ABCC1: variants seen among roughly 807,000 people sequenced by gnomAD.
ABCC1 encodes the protein multidrug resistance-associated protein 1.
ABCC1 carries 83 observed loss-of-function variants against 172.9 expected under a neutral mutation model. The ratio of observed to expected loss-of-function variants is 0.48; its 90% CI spans 0.40 to 0.58. The LOEUF is 0.58. Ranked by LOEUF, ABCC1 falls within the 20% of genes least tolerant of loss-of-function variation. The pLI, the probability that ABCC1 is intolerant of heterozygous loss-of-function variation, is 0.00. For missense variants in ABCC1, 1,817 were observed against 2,002.7 expected (o/e 0.91, Z 1.77); for synonymous variants, 937 against 825.2 (o/e 1.14, Z -2.32).
At chr16:15,985,246 A>C (rs2046717050) in intron 1 of ABCC1, among the ~76,000 whole-genome samples, 1 of 152,228 alleles carries the variant, frequency 6.6e-6, no homozygotes, top group Non-Finnish European at 1.5e-5. Flanking sequence ...TCAGAAAGGC[A>C]TTAGAAATGC....
chr16:16,025,683 C>A (rs907455823), intron 5 of ABCC1, among the ~76,000 whole-genome samples: 2 of 152,186 alleles, frequency 1.3e-5, no homozygotes, highest in African/African-American at 4.8e-5. Context: ...GAATCAGTGC[C>A]TGGGGCTGCC....
intron 1 of ABCC1, among the ~76,000 whole-genome samples, chr16:16,001,415 T>G (rs2047303616): frequency 6.6e-6 from 1 of 152,044 alleles, no homozygotes; most frequent in South Asian, 2.1e-4. Flanking sequence ...GGTTTCACTG[T>G]GGTCTCGATC....
intron 11 of ABCC1, among the ~76,000 whole-genome samples, chr16:16,053,774 C>CAAAAAAAAAAAAAAAAAAAAAAAAA (rs10526186): frequency 5.5e-5 from 2 of 36,212 alleles, no homozygotes; most frequent in Non-Finnish European, 1.4e-4. Context: ...GACCCTGTCT[C>CAAAAAAAAAAAAAAAAAAAAAAAAA]AAAAAAAAAA....
chr16:16,009,814 C>G lies in ABCC1; in HGVS notation c.264C>G (p.Asp88Glu). 6.2e-7 allele frequency: 1 copy of G among 1,610,610 alleles called. No homozygotes were observed. Among genetic ancestry groups the G allele is most frequent in the East Asian group, 2.2e-5 (1 of 44,572 alleles). Residue 88 changes from aspartate (D) to glutamate (E), a missense_variant, in exon 3 of 31, where the codon GAC (aspartate) becomes GAG (glutamate). Asp to Glu is a conservative substitution (Grantham distance 45). This residue lies in a region of ABCC1 where 398 missense variants were observed against 384.2 expected (regional missense o/e 1.04). Coordinates refer to ENST00000399410, the MANE Select transcript of ABCC1 (RefSeq NM_004996.4). ...TGCTGTGGATCGTCTGCTGGGCAGA[C>G]CTCTTCTACTCTTTCTGGGAAAGAA... is the stretch of plus-strand genomic sequence containing the variant. ...GFLLWIVCWA[D>E]LFYSFWERSR...
chr16:16,132,510 G>GGTTTTTTTTTTT (rs1277380301), intron 27 of ABCC1, among the ~76,000 whole-genome samples: 3 of 37,300 alleles, frequency 8.0e-5, no homozygotes, highest in Admixed American at 3.9e-4. Flanking sequence ...TTGGTTGGTT[G>GGTTTTTTTTTTT]TTTTTTTTTT....
chr16:16,007,502 G>T (rs1402592092), intron 1 of ABCC1, among the ~76,000 whole-genome samples: 1 of 152,116 alleles, frequency 6.6e-6, no homozygotes, highest in Non-Finnish European at 1.5e-5. Flanking sequence ...GGGATTACAG[G>T]CATGAGCCAC....
At chr16:15,976,253 G>A (rs1055612281) in intron 1 of ABCC1, among the ~76,000 whole-genome samples, 10 of 152,222 alleles carry the variant, frequency 6.6e-5, no homozygotes, top group African/African-American at 2.4e-4. Context: ...GGCAGCAAGA[G>A]CAAAACTCTG....
At position 16,065,295 on chromosome 16, in the gene ABCC1, C is replaced by T. The variant is rs114702582; in HGVS notation, c.1678-2861C>T. On this transcript the variant is annotated intron_variant, in intron 12 of 30. Coordinates refer to ENST00000399410, the MANE Select transcript of ABCC1 (RefSeq NM_004996.4). Reference sequence around the variant, plus strand: ...TACTTGTTTAGAGATGGGGGCCTCACTCTGTTACCCAGGCTGGTGCGGGGG... The same window carrying T: ...TACTTGTTTAGAGATGGGGGCCTCATTCTGTTACCCAGGCTGGTGCGGGGG... 5.0e-3 allele frequency among the ~76,000 whole-genome samples: 754 copies of T among 152,260 alleles called. 3 individuals are homozygous for T. Among genetic ancestry groups the T allele is most frequent in the African/African-American group, 0.017 (709 of 41,550 alleles).
intron 14 of ABCC1, among the ~76,000 whole-genome samples, chr16:16,074,805 C>G (rs1012643228): frequency 1.3e-5 from 2 of 152,200 alleles, no homozygotes; most frequent in African/African-American, 4.8e-5. Flanking sequence ...CTTCCTCTCT[C>G]TCTAGGTTTT....
At chr16:16,032,399 C>T (rs1365895380) in intron 5 of ABCC1, among the ~76,000 whole-genome samples, 4 of 152,202 alleles carry the variant, frequency 2.6e-5, no homozygotes. Context: ...AGTAGAGAAT[C>T]TTGGCAGGTA....
chr16:16,014,843 G>A (rs563406562), intron 4 of ABCC1, among the ~76,000 whole-genome samples: 217 of 152,306 alleles, frequency 1.4e-3, no homozygotes, highest in African/African-American at 5.2e-3. Flanking sequence ...CCCAGGGCCT[G>A]ATTTGTCTGT....
intron 20 of ABCC1, among the ~76,000 whole-genome samples, chr16:16,105,821 C>T (rs545425365): frequency 4.0e-5 from 6 of 148,542 alleles, no homozygotes; most frequent in African/African-American, 1.5e-4. Flanking sequence ...GCGACGCAAT[C>T]TGTGATCATC....
intron 21 of ABCC1, among the ~76,000 whole-genome samples, chr16:16,107,615 A>T (rs2052188583): frequency 6.6e-6 from 1 of 152,088 alleles, no homozygotes; most frequent in African/African-American, 2.4e-5. Flanking sequence ...TTTGGTCCTA[A>T]TGATTACGTC....
At chr16:15,982,699 ATGAGGC>A (rs1335292861) in intron 1 of ABCC1, among the ~76,000 whole-genome samples, 1 of 146,650 alleles carries the variant, frequency 6.8e-6, no homozygotes, top group African/African-American at 2.5e-5. Flanking sequence ...CCAGCTACTC[ATGAGGC>A]TGAGATGGGA....
At chr16:16,106,954 T>A in intron 21 of ABCC1, 81 bp downstream of exon 21, 1 of 1,561,284 alleles carries the variant, frequency 6.4e-7, no homozygotes, top group South Asian at 1.2e-5. Context: ...GCAAAGTGCC[T>A]TGTCTATGTT....
intron 6 of ABCC1, among the ~76,000 whole-genome samples, chr16:16,034,275 G>A (rs917940534): frequency 6.6e-6 from 1 of 151,046 alleles, no homozygotes; most frequent in South Asian, 2.1e-4. Flanking sequence ...TGATTCTCCC[G>A]CCTCAGCCTC....
At chr16:15,952,925 G>A (rs536828315) in intron 1 of ABCC1, among the ~76,000 whole-genome samples, 191 of 150,664 alleles carry the variant, frequency 1.3e-3, no homozygotes, top group African/African-American at 3.6e-3. Flanking sequence ...CTGTGGTCCC[G>A]GCTACTAGGG....
chr16:15,973,522 G>T (rs2046416202), intron 1 of ABCC1, among the ~76,000 whole-genome samples: 1 of 152,128 alleles, frequency 6.6e-6, no homozygotes, highest in South Asian at 2.1e-4. Context: ...CTGCTGCCAG[G>T]AGTTATATAC....
intron 1 of ABCC1, among the ~76,000 whole-genome samples, chr16:16,007,517 C>T (rs868271375): frequency 1.3e-5 from 2 of 152,082 alleles, no homozygotes; most frequent in Non-Finnish European, 2.9e-5. Context: ...AGCCACTGCA[C>T]CTGACCTGTA....
Sources: gnomAD v4.1 joint callset for allele counts (sites outside exome capture counted in the v4.1 genomes callset) on GRCh38, gnomAD v4.1.1 for gene constraint, gnomAD v4.1.1 regional missense constraint, MANE v1.5 for transcripts, NCBI Gene and HGNC (gene_info 2026-07-23, HGNC 2026-07-21) for gene names.